USP45: variants seen among roughly 807,000 people sequenced by gnomAD.
The protein encoded by USP45 is ubiquitin carboxyl-terminal hydrolase 45.
USP45 carries 89 observed loss-of-function variants against 95.8 expected under a neutral mutation model. The ratio of observed to expected loss-of-function variants is 0.93; its 90% CI spans 0.78 to 1.11. The LOEUF is 1.11. USP45 is among the 50% of genes least tolerant of loss of function. The pLI, the probability that USP45 is intolerant of heterozygous loss-of-function variation, is 0.00. For synonymous variants in USP45, 281 were observed against 316.2 expected (o/e 0.89, Z 1.18); for missense variants, 898 against 942.5 (o/e 0.95, Z 0.62).
chr6:99,516,613 G>C (rs1490821090), upstream of USP45, among the ~76,000 whole-genome samples: 2 of 152,196 alleles, frequency 1.3e-5, no homozygotes, highest in Non-Finnish European at 2.9e-5. Context: ...TACAGGTATA[G>C]AGGTACACTA....
rs1780311842 is a variant in USP45, at chr6:99,435,524, A to G, written c.*192T>C. 2.3e-6 allele frequency: 1 copy of G among 428,426 alleles called. No individual in the cohort carries two copies. Among genetic ancestry groups the G allele is most frequent in the Non-Finnish European group, 4.0e-6 (1 of 250,762 alleles). The allele number at this position is 428,426 out of a possible 1,614,324, so 26.5% of individuals were successfully genotyped here. A position where few individuals can be genotyped will look rare whatever the true frequency, so the allele number is the denominator to read the frequency against. On this transcript the variant is annotated 3_prime_UTR_variant, in exon 18 of 18. Coordinates refer to ENST00000500704, the MANE Select transcript of USP45 (RefSeq NM_001346022.3). ...TGGAAACAAAATTCACATTTATTTT[A>G]AGACTATGAATTTTAAAGCATTGAG...
chr6:99,498,084 A>G (rs1278204831), intron 5 of USP45, among the ~76,000 whole-genome samples: 1 of 152,214 alleles, frequency 6.6e-6, no homozygotes, highest in Non-Finnish European at 1.5e-5. Flanking sequence ...AAGTATAACT[A>G]AGTGCAATTT....
intron 13 of USP45, chr6:99,461,440 C>T: frequency 2.0e-6 from 2 of 985,344 alleles, no homozygotes; most frequent in Non-Finnish European, 2.4e-6. Flanking sequence ...TACGTATCTG[C>T]CTCCTGTTAC....
intron 8 of USP45, 64 bp from the exon 9 acceptor site, chr6:99,476,294 C>G: frequency 6.7e-7 from 1 of 1,482,298 alleles, no homozygotes; most frequent in Admixed American, 1.7e-5. Flanking sequence ...CATCAACACT[C>G]TTCTCTAAAT....
intron 1 of USP45, among the ~76,000 whole-genome samples, chr6:99,512,970 A>G (rs923507866): frequency 2.6e-5 from 4 of 152,180 alleles, no homozygotes; most frequent in Non-Finnish European, 2.9e-5. Flanking sequence ...CTGCATCTCA[A>G]CAAGTCCTTC....
chr6:99,451,214 T>C (rs568029348), intron 13 of USP45, among the ~76,000 whole-genome samples: 136 of 152,192 alleles, frequency 8.9e-4, no homozygotes, highest in African/African-American at 3.2e-3. Flanking sequence ...AAATAAAGGG[T>C]ATTCAATTAG....
intron 13 of USP45, chr6:99,461,026 G>A (rs1349823698): frequency 3.0e-6 from 3 of 985,206 alleles, no homozygotes; most frequent in Admixed American, 6.2e-5. Context: ...CTAACAGGTG[G>A]TGGGAACCAA....
chr6:99,463,168 A>G (rs1786963643), intron 13 of USP45, among the ~76,000 whole-genome samples: 1 of 150,190 alleles, frequency 6.7e-6, no homozygotes, highest in Non-Finnish European at 1.5e-5. Flanking sequence ...GGTCTAGACA[A>G]TGGTTACAAT....
intron 13 of USP45, among the ~76,000 whole-genome samples, chr6:99,457,454 T>C (rs377684205): frequency 4.6e-4 from 70 of 152,212 alleles, no homozygotes; most frequent in African/African-American, 1.6e-3. Context: ...TTAAGGAAAA[T>C]AGAAAAGAAC....
At chr6:99,475,146 G>A (rs963699525) in intron 9 of USP45, among the ~76,000 whole-genome samples, 2 of 152,058 alleles carry the variant, frequency 1.3e-5, no homozygotes, top group African/African-American at 2.4e-5. Flanking sequence ...TTACATACAT[G>A]GAACTATGAC....
rs1779949545 is a variant in USP45 at position 99,433,051 on chromosome 6, G to A, written c.*2665C>T. 1 of 152,124 alleles carries A rather than the reference G, an allele frequency of 6.6e-6. No homozygotes were observed. The highest frequency in any genetic ancestry group is 1.5e-5 in the Non-Finnish European group (1 of 68,024). The allele number at this position is 152,124 out of a possible 1,614,324, so 9.4% of individuals were successfully genotyped here. The stretch of plus-strand genomic sequence containing the variant: ...CTCCGTCACTCTGCAGGAATGCAGT[G>A]GTGTGATCATGGTTCACTGCACCTT... On this transcript the variant is annotated 3_prime_UTR_variant, in exon 18 of 18. Coordinates refer to ENST00000500704, the MANE Select transcript of USP45 (RefSeq NM_001346022.3).
chr6:99,502,426 T>G (rs1177835840), intron 5 of USP45, among the ~76,000 whole-genome samples: 1 of 152,154 alleles, frequency 6.6e-6, no homozygotes, highest in Non-Finnish European at 1.5e-5. Flanking sequence ...ACCCCCAAAT[T>G]TGTGGACAGT....
At chr6:99,508,859 G>A (rs1395886312) in intron 2 of USP45, 77 bp from the exon 3 acceptor site, 1 of 1,301,182 alleles carries the variant, frequency 7.7e-7, no homozygotes. Context: ...AACCTCAAAA[G>A]TATTAAATGC....
At chr6:99,510,423 C>T (rs1251775025) in intron 1 of USP45, among the ~76,000 whole-genome samples, 193 bp from the exon 2 acceptor site, 2 of 152,082 alleles carry the variant, frequency 1.3e-5, no homozygotes, top group Non-Finnish European at 2.9e-5. Context: ...TGGTATATTC[C>T]ATTGGCTTTT....
rs1364165502 is a variant in USP45 at position 99,432,383 on chromosome 6, G to T, written c.*3333C>A. On this transcript the variant is annotated 3_prime_UTR_variant, in exon 18 of 18. Transcript: ENST00000500704. Reference sequence around the variant, plus strand: ...GGACTAAGACATAAGCAAATGCATTGTTGATAAAACATTCTGTCAATAACG... The same window carrying T: ...GGACTAAGACATAAGCAAATGCATTTTTGATAAAACATTCTGTCAATAACG... 1 of 152,038 alleles carries T rather than the reference G, an allele frequency of 6.6e-6. No individual in the cohort carries two copies. Among genetic ancestry groups the T allele is most frequent in the East Asian group, 1.9e-4 (1 of 5,202 alleles). The allele number at this position is 152,038 out of a possible 1,614,324, so 9.4% of individuals were successfully genotyped here.
intron 7 of USP45, among the ~76,000 whole-genome samples, chr6:99,485,082 C>A (rs1793531529): frequency 6.7e-6 from 1 of 149,646 alleles, no homozygotes; most frequent in Admixed American, 6.8e-5. Context: ...GTAATCCTAG[C>A]ATTTTGGGAG....
rs772081944 is a variant in USP45, at chr6:99,445,919, C to G, written c.1853G>C (p.Cys618Ser). The G allele has an allele frequency of 1.2e-6, 2 of 1,613,984 alleles. No homozygotes were observed. The highest frequency in any genetic ancestry group is 4.5e-5 in the East Asian group (2 of 44,876). The change falls in exon 14 of 18, where the codon TGT (cysteine) becomes TCT (serine). Residue 618 changes from cysteine (C) to serine (S), a missense_variant. Cys to Ser is a moderately radical substitution (Grantham distance 112). Transcript: ENST00000500704. ...SQSYITTSKECSIQSCLYQFT... is the reference protein window; with the variant it reads ...SQSYITTSKESSIQSCLYQFT... Reference sequence around the variant, plus strand: ...CTGGTAGAGACAGGACTGAATTGAACATTCTTTAGAAGTAGTTATATAGCT... The same window carrying G: ...CTGGTAGAGACAGGACTGAATTGAAGATTCTTTAGAAGTAGTTATATAGCT...
At chr6:99,514,031 TA>T (rs1800533572) in intron 1 of USP45, among the ~76,000 whole-genome samples, 1 of 152,192 alleles carries the variant, frequency 6.6e-6, no homozygotes, top group Middle Eastern at 3.2e-3. Context: ...ACGGCACTTA[TA>T]TCCCTTACCT....
intron 5 of USP45, chr6:99,501,883 G>A (rs1797437890): frequency 4.8e-6 from 6 of 1,243,578 alleles, no homozygotes; most frequent in South Asian, 4.3e-5. Flanking sequence ...TTTCCAGAGC[G>A]ACAAGAGTGT....
Sources: allele counts gnomAD v4.1 joint callset (sites outside exome capture counted in the v4.1 genomes callset), GRCh38; gene constraint gnomAD v4.1.1; transcripts MANE v1.5; gene names NCBI Gene and HGNC (gene_info 2026-07-23, HGNC 2026-07-21).